PDIA4: variants seen among roughly 807,000 people sequenced by gnomAD.
PDIA4 encodes protein disulfide isomerase family A member 4.
A neutral mutation model predicts 62.1 loss-of-function variants in PDIA4; 33 were observed. The ratio of observed to expected loss-of-function variants is 0.53; its 90% CI spans 0.40 to 0.71. The LOEUF (loss-of-function observed/expected upper bound fraction) is 0.71. Ranked by LOEUF, PDIA4 falls within the 30% of genes least tolerant of loss-of-function variation. PDIA4 has a pLI of 0.00. For synonymous variants in PDIA4, 341 were observed against 324.1 expected, an observed-to-expected ratio of 1.05 and a Z score of -0.56; for missense variants, 804 against 813.6, an observed-to-expected ratio of 0.99 and a Z score of 0.14.
intron 1 of PDIA4, among the ~76,000 whole-genome samples, chr7:149,027,240 T>C (rs1348179248): frequency 6.6e-6 from 1 of 152,222 alleles, no homozygotes; most frequent in African/African-American, 2.4e-5. Flanking sequence ...ATGATTTGGG[T>C]AAAGGTCTCA....
rs571317872 is a variant in PDIA4 at position 149,014,442 on chromosome 7, G to C, written c.614+462C>G. 1.2e-4 allele frequency among the ~76,000 whole-genome samples: 19 copies of C among 152,174 alleles called. No homozygotes were observed. In the South Asian group the frequency reaches 3.7e-3, roughly 30 times the overall value. On this transcript the variant is annotated intron_variant, in intron 4 of 9. Transcript: ENST00000652332. ...GGTACCCTGGGCCGTCTCCTGGGAA[G>C]GCAGATGGTCTCTCCTGAAGCCAGG...
At chr7:149,011,480 G>A (rs540147582) in intron 6 of PDIA4, among the ~76,000 whole-genome samples, 29 of 152,316 alleles carry the variant, frequency 1.9e-4, no homozygotes, top group African/African-American at 7.0e-4. Flanking sequence ...GAGACCACTA[G>A]GCTAACTGAG....
Position 149,005,166 on chromosome 7 carries a change from G to A in PDIA4, c.1497C>T (p.Arg499=), listed in dbSNP as rs376722457. 1.1e-5 allele frequency: 18 copies of A among 1,613,420 alleles called. No homozygotes were observed. In the African/African-American group the frequency reaches 1.3e-4, roughly 12 times the overall value. The part of the protein sequence containing the change: ...EPEEFDSDTL[R]EFVTAFKKGK... ...CTTTTTTGAAAGCAGTGACAAACTC[G>A]CGGAGGGTGTCAGAGTCAAACTCCT... Residue 499 remains arginine, a synonymous_variant, in exon 9 of 10, where the codon CGC becomes CGT. Coordinates refer to ENST00000652332, the MANE Select transcript of PDIA4 (RefSeq NM_004911.5).
chr7:149,007,144 T>C (rs576206402), intron 7 of PDIA4, among the ~76,000 whole-genome samples: 2 of 152,064 alleles, frequency 1.3e-5, no homozygotes, highest in East Asian at 3.9e-4. Flanking sequence ...GAGCTTCAAG[T>C]TGGCAGAGAA....
chr7:149,018,939 C>T, intron 3 of PDIA4, 53 bp downstream of exon 3: 1 of 1,387,446 alleles, frequency 7.2e-7, no homozygotes, highest in South Asian at 1.2e-5. Flanking sequence ...TAGCCAAATT[C>T]CCATTCCCTG....
At chr7:149,011,502 G>A (rs1823941963) in intron 6 of PDIA4, among the ~76,000 whole-genome samples, 1 of 152,192 alleles carries the variant, frequency 6.6e-6, no homozygotes, top group Non-Finnish European at 1.5e-5. Flanking sequence ...CACCACCTGT[G>A]GTCACAGTGA....
chr7:149,015,333 G>A (rs1824091615), intron 3 of PDIA4, among the ~76,000 whole-genome samples: 1 of 152,042 alleles, frequency 6.6e-6, no homozygotes, highest in Non-Finnish European at 1.5e-5. Context: ...ATCAGGCTAT[G>A]GTACTAACTC....
rs1429875066 is a variant in PDIA4, at chr7:149,019,441, C to T, written c.270-244G>A. Among the ~76,000 whole-genome samples, 4 of 152,092 alleles carry T rather than the reference C, an allele frequency of 2.6e-5. No homozygotes were observed. In the South Asian group the frequency reaches 8.3e-4, roughly 31 times the overall value. On this transcript the variant is annotated intron_variant, in intron 2 of 9. Coordinates refer to ENST00000652332, the MANE Select transcript of PDIA4 (RefSeq NM_004911.5). ...GTAGTTTAAAAGAGCTTGACATGGCCGGGTGCAGTGGCTCACACCTGTAAT... is the reference window on the plus strand; with the variant it reads ...GTAGTTTAAAAGAGCTTGACATGGCTGGGTGCAGTGGCTCACACCTGTAAT...
intron 3 of PDIA4, among the ~76,000 whole-genome samples, chr7:149,017,663 TACATTTTATCAAAATAAAATAC>T (rs1824188941): frequency 2.6e-5 from 4 of 151,694 alleles, no homozygotes; most frequent in African/African-American, 9.8e-5. Flanking sequence ...CAAAATAAAA[TACATTTTATCAAAATAAAATAC>T]ATTTTATCAA....
At chr7:149,017,069 A>G (rs1469300759) in intron 3 of PDIA4, among the ~76,000 whole-genome samples, 1 of 152,190 alleles carries the variant, frequency 6.6e-6, no homozygotes, top group Non-Finnish European at 1.5e-5. Flanking sequence ...ACCATGCTCC[A>G]CAGATGAGAT....
intron 6 of PDIA4, among the ~76,000 whole-genome samples, chr7:149,009,966 A>T (rs896601077): frequency 6.6e-6 from 1 of 152,136 alleles, no homozygotes; most frequent in Non-Finnish European, 1.5e-5. Flanking sequence ...CTTGGTCTAG[A>T]GGTTTGTGAC....
At position 149,015,808 on chromosome 7, in the gene PDIA4, G is replaced by A. The variant is rs549742276; in HGVS notation, c.476-766C>T. Reference sequence around the variant, plus strand: ...GCACAAGCACCTCCTCTGCGCATTCGCAGCATGAAGTGTCTGTGCCCTGCC... The same window carrying A: ...GCACAAGCACCTCCTCTGCGCATTCACAGCATGAAGTGTCTGTGCCCTGCC... On this transcript the variant is annotated intron_variant, in intron 3 of 9. Coordinates refer to ENST00000652332, the MANE Select transcript of PDIA4 (RefSeq NM_004911.5). Among the ~76,000 whole-genome samples the A allele has an allele frequency of 1.3e-3, 198 of 152,348 alleles. 1 individual carries two copies. The highest frequency in any genetic ancestry group is 6.8e-3 in the Middle Eastern group (2 of 294).
intron 7 of PDIA4, 77 bp from the exon 8 acceptor site, chr7:149,006,130 T>C (rs1823750695): frequency 1.4e-6 from 2 of 1,466,310 alleles, no homozygotes; most frequent in East Asian, 2.7e-5. Context: ...TTGAGGGACT[T>C]TGGGGGAGTG....
At chr7:149,026,433 G>A (rs1005564831) in intron 1 of PDIA4, among the ~76,000 whole-genome samples, 7 of 152,112 alleles carry the variant, frequency 4.6e-5, no homozygotes, top group Admixed American at 2.0e-4. Context: ...GGCGGATCAC[G>A]GGGTCAGGAG....
intron 1 of PDIA4, among the ~76,000 whole-genome samples, chr7:149,021,390 G>A (rs1050876313): frequency 8.0e-5 from 12 of 149,378 alleles, no homozygotes; most frequent in African/African-American, 2.2e-4. Flanking sequence ...TCGGGAGGCT[G>A]AGGCAGAAGA....
chr7:149,027,962 C>G (rs1824615987), intron 1 of PDIA4: 1 of 510,650 alleles, frequency 2.0e-6, no homozygotes, highest in African/African-American at 1.9e-5. Context: ...TGGGCGCGTT[C>G]GCCTGGAGTT....
At chr7:149,027,639 C>T (rs1237140188) in intron 1 of PDIA4, among the ~76,000 whole-genome samples, 1 of 150,748 alleles carries the variant, frequency 6.6e-6, no homozygotes, top group Non-Finnish European at 1.5e-5. Flanking sequence ...ATGCAGGGAC[C>T]ATGAAGTAGT....
chr7:149,016,945 G>A lies in PDIA4; in HGVS notation c.476-1903C>T, dbSNP rs578027240. Among the ~76,000 whole-genome samples the A allele has an allele frequency of 7.2e-5, 11 of 152,264 alleles. 1 individual carries two copies. Among genetic ancestry groups the A allele is most frequent in the African/African-American group, 2.2e-4 (9 of 41,570 alleles). ...ACAAACTGTGACACTAAATATCAAC[G>A]GAAGCAAATCCATTCTCTTTGTATA... On this transcript the variant is annotated intron_variant, in intron 3 of 9. Transcript: ENST00000652332.
chr7:149,011,751 C>A, intron 6 of PDIA4, 95 bp downstream of exon 6: 1 of 1,026,138 alleles, frequency 9.7e-7, no homozygotes, highest in South Asian at 1.9e-5. Flanking sequence ...CAAACCACCC[C>A]CTAATGGATG....
Sources: allele counts gnomAD v4.1 joint callset (sites outside exome capture counted in the v4.1 genomes callset), GRCh38; gene constraint gnomAD v4.1.1; transcripts MANE v1.5; gene names NCBI Gene and HGNC (gene_info 2026-07-23, HGNC 2026-07-21).